The following ZNF407 variants were observed in gnomAD, a reference collection of about 807,000 sequenced individuals.
The protein encoded by ZNF407 is zinc finger protein 407.
A neutral mutation model predicts 131.2 loss-of-function variants in ZNF407; 17 were observed. The ratio of observed to expected loss-of-function variants is 0.13; its 90% confidence interval spans 0.09 to 0.19. The LOEUF (loss-of-function observed/expected upper bound fraction) is 0.19, where lower values mean the gene tolerates loss of function less well. Ranked by LOEUF, ZNF407 falls within the 10% of genes least tolerant of loss-of-function variation. The pLI is 1.00. For synonymous variants in ZNF407, 1,156 were observed against 1,062.0 expected, an observed-to-expected ratio of 1.09 and a Z score of -1.72; for missense variants, 2,681 against 2,830.6, an observed-to-expected ratio of 0.95 and a Z score of 1.20.
At chr18:74,960,464 G>T (rs557691888) in intron 8 of ZNF407, among the ~76,000 whole-genome samples, 50 of 146,382 alleles carry the variant, frequency 3.4e-4, no homozygotes, top group African/African-American at 1.3e-3. Context: ...ATAGGAGAAG[G>T]TCCTGAGTCA....
At chr18:74,848,376 C>T (rs1182970516) in intron 4 of ZNF407, among the ~76,000 whole-genome samples, 1 of 151,900 alleles carries the variant, frequency 6.6e-6, no homozygotes, top group African/African-American at 2.4e-5. Flanking sequence ...ACAATAAAAC[C>T]GTAAAAAAGA....
At chr18:74,688,798 C>T (rs1441574916) in intron 3 of ZNF407, among the ~76,000 whole-genome samples, 1 of 152,098 alleles carries the variant, frequency 6.6e-6, no homozygotes, top group South Asian at 2.1e-4. Context: ...GACATCTTAA[C>T]AATATCAAAT....
At chr18:74,719,462 C>T (rs1336990426) in intron 3 of ZNF407, among the ~76,000 whole-genome samples, 1 of 152,202 alleles carries the variant, frequency 6.6e-6, no homozygotes, top group East Asian at 1.9e-4. Context: ...GGCAGTGGCG[C>T]GATCTCAGCT....
chr18:74,736,103 T>C (rs914415264), intron 3 of ZNF407, among the ~76,000 whole-genome samples: 1 of 152,204 alleles, frequency 6.6e-6, no homozygotes, highest in African/African-American at 2.4e-5. Flanking sequence ...TGACTTCGGG[T>C]GATGAATAGC....
intron 4 of ZNF407, among the ~76,000 whole-genome samples, chr18:74,821,255 C>G (rs1293104048): frequency 6.6e-6 from 1 of 151,850 alleles, no homozygotes; most frequent in Non-Finnish European, 1.5e-5. Flanking sequence ...GTTTTCAAGG[C>G]ATTGAGAAGC....
intron 3 of ZNF407, among the ~76,000 whole-genome samples, chr18:74,717,749 T>C (rs1967929682): frequency 1.3e-5 from 2 of 152,194 alleles, no homozygotes. Flanking sequence ...TTTTGGATTT[T>C]GGATTTTTTC....
intron 8 of ZNF407, among the ~76,000 whole-genome samples, chr18:75,036,944 A>G (rs1459860573): frequency 6.6e-6 from 1 of 152,248 alleles, no homozygotes; most frequent in Non-Finnish European, 1.5e-5. Flanking sequence ...GGAAGAGGGA[A>G]ATTGCTTCTA....
chr18:74,938,821 A>G (rs1158532773), intron 8 of ZNF407, among the ~76,000 whole-genome samples: 1 of 152,238 alleles, frequency 6.6e-6, no homozygotes, highest in Non-Finnish European at 1.5e-5. Context: ...AGGGCCTGAA[A>G]TTATGGTCTG....
At chr18:75,001,622 CTT>C (rs1327463884) in intron 8 of ZNF407, among the ~76,000 whole-genome samples, 1 of 152,194 alleles carries the variant, frequency 6.6e-6, no homozygotes, top group Non-Finnish European at 1.5e-5. Context: ...ATGATGGAAT[CTT>C]TCCTCAAAAG....
At chr18:74,623,670 A>T (rs1017303908) in intron 1 of ZNF407, among the ~76,000 whole-genome samples, 1 of 152,098 alleles carries the variant, frequency 6.6e-6, no homozygotes, top group African/African-American at 2.4e-5. Context: ...TTGATTTATT[A>T]TTGTTCTCAA....
intron 8 of ZNF407, among the ~76,000 whole-genome samples, chr18:74,929,076 C>CG (rs1295572891): frequency 6.6e-6 from 1 of 152,098 alleles, no homozygotes; most frequent in East Asian, 1.9e-4. Context: ...CAAGATTGGC[C>CG]GAACTGGCTC....
chr18:74,835,465 A>G (rs1174644859), intron 4 of ZNF407, among the ~76,000 whole-genome samples: 1 of 152,200 alleles, frequency 6.6e-6, no homozygotes, highest in Non-Finnish European at 1.5e-5. Context: ...GGCTGCTATA[A>G]TAGAATATAA....
chr18:74,787,692 C>G (rs1217246239), intron 4 of ZNF407, among the ~76,000 whole-genome samples: 1 of 152,200 alleles, frequency 6.6e-6, no homozygotes, highest in Non-Finnish European at 1.5e-5. Flanking sequence ...CTTCTTTCTT[C>G]TATTCATTTC....
At chr18:74,841,025 T>C (rs1970625042) in intron 4 of ZNF407, among the ~76,000 whole-genome samples, 1 of 152,202 alleles carries the variant, frequency 6.6e-6, no homozygotes, top group African/African-American at 2.4e-5. Flanking sequence ...GTCTCTGTTG[T>C]CACCTCTCAG....
At chr18:75,016,492 A>G (rs1973045745) in intron 8 of ZNF407, among the ~76,000 whole-genome samples, 2 of 126,132 alleles carry the variant, frequency 1.6e-5, no homozygotes, top group African/African-American at 2.7e-5. Flanking sequence ...AGATAGAACT[A>G]TATTGGTGCC....
chr18:74,673,015 G>C (rs1371070030), intron 3 of ZNF407, among the ~76,000 whole-genome samples: 1 of 152,204 alleles, frequency 6.6e-6, no homozygotes, highest in African/African-American at 2.4e-5. Flanking sequence ...TGGAAGAGAC[G>C]AAGTTAGTAT....
chr18:74,623,393 C>T (rs1004743938), intron 1 of ZNF407, among the ~76,000 whole-genome samples: 2 of 151,850 alleles, frequency 1.3e-5, no homozygotes, highest in African/African-American at 2.4e-5. Context: ...CACATGAGGG[C>T]GGCAGAGCGA....
chr18:74,883,924 T>A (rs544547327), intron 6 of ZNF407, among the ~76,000 whole-genome samples: 3 of 152,280 alleles, frequency 2.0e-5, no homozygotes, highest in African/African-American at 7.2e-5. Flanking sequence ...GAAAGGAAAT[T>A]TCATCCTTGT....
At chr18:74,953,773 C>T (rs1972243151) in intron 8 of ZNF407, among the ~76,000 whole-genome samples, 1 of 152,226 alleles carries the variant, frequency 6.6e-6, no homozygotes, top group African/African-American at 2.4e-5. Flanking sequence ...TACCAGCTGG[C>T]TGCAGACAGC....
Sources: gnomAD v4.1 joint callset for allele counts (sites outside exome capture counted in the v4.1 genomes callset) on GRCh38, gnomAD v4.1.1 for gene constraint, MANE v1.5 for transcripts, NCBI Gene and HGNC (gene_info 2026-07-23, HGNC 2026-07-21) for gene names.